The following SEMA3D variants were observed in gnomAD, a reference collection of about 807,000 sequenced individuals.
SEMA3D encodes semaphorin 3D.
In SEMA3D, 84 loss-of-function variants were observed where a neutral mutation model predicts 100.1. The observed-to-expected ratio is 0.84, with a 90% confidence interval of 0.70 to 1.01. The LOEUF (loss-of-function observed/expected upper bound fraction) is 1.01, where lower values mean the gene tolerates loss of function less well. SEMA3D is among the 50% of genes least tolerant of loss of function. SEMA3D has a pLI of 0.00. For synonymous variants in SEMA3D, 312 were observed against 320.7 expected (o/e 0.97, Z 0.29); for missense variants, 875 against 934.1 (o/e 0.94, Z 0.82).
chr7:85,214,644 G>A, the SEMA3D span, among the ~76,000 whole-genome samples: 5 of 151,822 alleles, frequency 3.3e-5, no homozygotes, highest in Admixed American at 6.6e-5. Flanking sequence ...TTATAGGCAC[G>A]TGACACCACA....
At chr7:85,227,056 T>G in the SEMA3D span, among the ~76,000 whole-genome samples, 1 of 152,206 alleles carries the variant, frequency 6.6e-6, no homozygotes, top group Non-Finnish European at 1.5e-5. Context: ...GTTTATTTTC[T>G]TGAAAAATGA....
chr7:85,200,969 T>G, the SEMA3D span, among the ~76,000 whole-genome samples: 1 of 152,222 alleles, frequency 6.6e-6, no homozygotes, highest in East Asian at 1.9e-4. Flanking sequence ...TCTTTGCTAA[T>G]TTCTCTTCTC....
At chr7:85,229,901 A>G in the SEMA3D span, among the ~76,000 whole-genome samples, 3 of 152,088 alleles carry the variant, frequency 2.0e-5, no homozygotes, top group Non-Finnish European at 2.9e-5. Flanking sequence ...GTAAGCTCCA[A>G]TGTACTTCTG....
intron 4 of SEMA3D, among the ~76,000 whole-genome samples, chr7:85,086,337 T>C (rs1228624615): frequency 1.3e-5 from 2 of 152,086 alleles, no homozygotes; most frequent in African/African-American, 2.4e-5. Context: ...TAAAGAGATT[T>C]TTTTTAAATA....
chr7:85,156,344 A>T (rs1583975274), intron 1 of SEMA3D, among the ~76,000 whole-genome samples: 1 of 151,252 alleles, frequency 6.6e-6, no homozygotes, highest in South Asian at 2.1e-4. Context: ...CTCATGATCC[A>T]CCCCTTCGGC....
At chr7:85,080,332 T>G (rs1383869198) in intron 5 of SEMA3D, among the ~76,000 whole-genome samples, 1 of 152,180 alleles carries the variant, frequency 6.6e-6, no homozygotes, top group Non-Finnish European at 1.5e-5. Context: ...ATGAGTGAAC[T>G]AACCTGTTGT....
At chr7:85,117,426 T>C (rs1789273483) in intron 3 of SEMA3D, among the ~76,000 whole-genome samples, 2 of 152,148 alleles carry the variant, frequency 1.3e-5, no homozygotes, top group South Asian at 4.1e-4. Flanking sequence ...TTATCCAAAT[T>C]ACATTTTGGT....
the SEMA3D span, among the ~76,000 whole-genome samples, chr7:85,246,909 T>C: frequency 1.3e-5 from 2 of 150,944 alleles, no homozygotes; most frequent in Non-Finnish European, 3.0e-5. Context: ...AATATAACAG[T>C]GAAAAAAACT....
chr7:85,045,100 T>C lies in SEMA3D; in HGVS notation c.862-2815A>G, dbSNP rs572773009. Among the ~76,000 whole-genome samples, 10 of 152,196 alleles carry C rather than the reference T, an allele frequency of 6.6e-5. No individual in the cohort carries two copies. The South Asian group carries it at 2.1e-3, about 32-fold the overall frequency. On this transcript the variant is annotated intron_variant, in intron 9 of 18. Transcript: ENST00000284136. ...CTGAAGAGTTGGGTTTAATGTTAACTTTTTACAATAATAGATGGGACCAAA... is the reference window on the plus strand; with the variant it reads ...CTGAAGAGTTGGGTTTAATGTTAACCTTTTACAATAATAGATGGGACCAAA...
intron 3 of SEMA3D, among the ~76,000 whole-genome samples, chr7:85,102,370 G>A (rs1338247132): frequency 6.6e-6 from 1 of 151,942 alleles, no homozygotes; most frequent in Admixed American, 6.6e-5. Flanking sequence ...AAAGACCATG[G>A]TGTAATTATT....
At chr7:85,179,077 T>A (rs1479624892) in intron 1 of SEMA3D, among the ~76,000 whole-genome samples, 1 of 152,200 alleles carries the variant, frequency 6.6e-6, no homozygotes, top group African/African-American at 2.4e-5. Flanking sequence ...AATGCATGGA[T>A]GTCCTGGCAG....
At chr7:85,034,982 C>T (rs1790652181) in intron 12 of SEMA3D, among the ~76,000 whole-genome samples, 1 of 151,934 alleles carries the variant, frequency 6.6e-6, no homozygotes, top group African/African-American at 2.4e-5. Context: ...TTATCTAAAA[C>T]AATTGAAATT....
intron 2 of SEMA3D, chr7:85,144,700 T>C (rs942970422): frequency 4.1e-6 from 4 of 984,674 alleles, no homozygotes; most frequent in Non-Finnish European, 4.8e-6. Flanking sequence ...CTGTGTTTGT[T>C]CTTATTTGTT....
chr7:85,151,472 C>T (rs951621534), intron 2 of SEMA3D, among the ~76,000 whole-genome samples: 5 of 151,764 alleles, frequency 3.3e-5, no homozygotes, highest in African/African-American at 1.2e-4. Context: ...AAATCAGTTC[C>T]AGAAAGAATA....
intron 9 of SEMA3D, among the ~76,000 whole-genome samples, chr7:85,045,375 A>G (rs1790979433): frequency 6.6e-6 from 1 of 152,076 alleles, no homozygotes. Context: ...TAAAAAATTT[A>G]GTAATTGGCA....
chr7:85,011,447 G>T (rs1022393636), intron 17 of SEMA3D, among the ~76,000 whole-genome samples: 6 of 151,744 alleles, frequency 4.0e-5, no homozygotes, highest in African/African-American at 1.2e-4. Flanking sequence ...GCCTAAGGCA[G>T]CAACTACGTT....
At chr7:85,093,814 G>A (rs1160073995) in intron 4 of SEMA3D, among the ~76,000 whole-genome samples, 2 of 151,898 alleles carry the variant, frequency 1.3e-5, no homozygotes, top group Non-Finnish European at 2.9e-5. Context: ...CCTTATTCAA[G>A]GAATGTATAA....
chr7:85,241,648 G>A, the SEMA3D span, among the ~76,000 whole-genome samples: 2 of 150,878 alleles, frequency 1.3e-5, no homozygotes, highest in East Asian at 2.0e-4. Context: ...AGGATGATAC[G>A]ATGGACTTTG....
At chr7:85,205,869 G>C in the SEMA3D span, among the ~76,000 whole-genome samples, 83 of 152,128 alleles carry the variant, frequency 5.5e-4, no homozygotes, top group African/African-American at 1.4e-3. Context: ...ACTGTCTCAG[G>C]CTTGTCTCAG....
Sources: allele counts gnomAD v4.1 joint callset (sites outside exome capture counted in the v4.1 genomes callset), GRCh38; gene constraint gnomAD v4.1.1; transcripts MANE v1.5; gene names NCBI Gene and HGNC (gene_info 2026-07-23, HGNC 2026-07-21).